Variants in EMC3 observed in about 807,000 individuals in gnomAD.
The protein encoded by EMC3 is ER membrane protein complex subunit 3, also known as 30 kDa protein.
EMC3 carries 13 observed loss-of-function variants against 36.6 expected under a neutral mutation model. The ratio of observed to expected loss-of-function variants is 0.35; its 90% confidence interval spans 0.23 to 0.56. The LOEUF (loss-of-function observed/expected upper bound fraction) is 0.56. Ranked by LOEUF, EMC3 falls within the 20% of genes least tolerant of loss-of-function variation. The pLI is 0.84. For synonymous variants in EMC3, 120 were observed against 111.9 expected, an observed-to-expected ratio of 1.07 and a Z score of -0.46; for missense variants, 220 against 324.5, an observed-to-expected ratio of 0.68 and a Z score of 2.47.
chr3:9,985,240 G>A (rs1241315997), intron 1 of EMC3, among the ~76,000 whole-genome samples: 1 of 152,154 alleles, frequency 6.6e-6, no homozygotes, highest in Non-Finnish European at 1.5e-5. Context: ...AAAAAAGAAA[G>A]TAACTTAAGT....
intron 1 of EMC3, chr3:10,007,749 G>T: frequency 1.0e-6 from 1 of 987,382 alleles, no homozygotes; most frequent in Non-Finnish European, 1.4e-6. Flanking sequence ...CACCCATCAA[G>T]GAGCTTCCTT....
chr3:9,975,180 T>A (rs1392395511), intron 3 of EMC3, among the ~76,000 whole-genome samples: 3 of 152,180 alleles, frequency 2.0e-5, no homozygotes. Context: ...ATTTTTAATG[T>A]CTGCATAGGA....
At chr3:9,985,391 T>C (rs2085960018) in intron 1 of EMC3, among the ~76,000 whole-genome samples, 1 of 152,212 alleles carries the variant, frequency 6.6e-6, no homozygotes, top group Non-Finnish European at 1.5e-5. Context: ...AGCACTTACC[T>C]GAGATGATTT....
intron 3 of EMC3, 57 bp downstream of exon 3, chr3:9,976,900 A>G (rs2085855995): frequency 6.2e-6 from 8 of 1,287,080 alleles, no homozygotes; most frequent in Non-Finnish European, 8.8e-6. Flanking sequence ...ACCCCACCCC[A>G]CTCAAATACC....
intron 1 of EMC3, among the ~76,000 whole-genome samples, chr3:9,982,557 A>T (rs569008344): frequency 6.6e-6 from 1 of 152,162 alleles, no homozygotes; most frequent in East Asian, 1.9e-4. Flanking sequence ...CCCTGCTGCT[A>T]ATGGACATTT....
rs756069988 is a variant in EMC3 at position 9,963,454 on chromosome 3, G to GATAGATAGATAGATATAGAT, written c.*614_*615insATCTATATCTATCTATCTAT. The GATAGATAGATAGATATAGAT allele has an allele frequency of 1.9e-4, 19 of 99,700 alleles. No homozygotes were observed. The highest frequency in any genetic ancestry group is 5.6e-4 in the Admixed American group (5 of 8,904). 6.2% of individuals were successfully genotyped at this position (99,700 alleles called of 1,614,324 possible). A position where few individuals can be genotyped will look rare whatever the true frequency, so the allele number is the denominator to read the frequency against. On this transcript the variant is annotated 3_prime_UTR_variant, in exon 8 of 8. Transcript: ENST00000245046. ...CGAAGACTGGGCTTCTGCTAAGATA[G>GATAGATAGATAGATATAGAT]ATATATATATATATATATATATATT...
At chr3:9,998,126 G>A (rs994736918) in intron 1 of EMC3, among the ~76,000 whole-genome samples, 2 of 151,840 alleles carry the variant, frequency 1.3e-5, no homozygotes, top group Admixed American at 1.3e-4. Flanking sequence ...CAGGACTTTG[G>A]GAGGCCGAGG....
chr3:9,968,263 G>A (rs190249032), intron 7 of EMC3, among the ~76,000 whole-genome samples: 12 of 152,212 alleles, frequency 7.9e-5, no homozygotes, highest in African/African-American at 2.2e-4. Flanking sequence ...TATTTTATTC[G>A]TTTTGATACT....
chr3:9,970,536 T>C, intron 6 of EMC3, 46 bp downstream of exon 6: 2 of 1,583,814 alleles, frequency 1.3e-6, no homozygotes, highest in Non-Finnish European at 1.7e-6. Flanking sequence ...ATATGGATGA[T>C]TCATCTATGG....
intron 1 of EMC3, chr3:9,992,883 A>G: frequency 2.7e-6 from 4 of 1,496,202 alleles, no homozygotes; most frequent in Admixed American, 3.4e-5. Context: ...TGACCTGGTG[A>G]TGCTTTTCAT....
At chr3:9,981,677 C>T (rs1182209185) in intron 1 of EMC3, 3 of 393,262 alleles carry the variant, frequency 7.6e-6, no homozygotes, top group Non-Finnish European at 1.5e-5. Flanking sequence ...TCAAGGGATC[C>T]TCCCATCTCA....
intron 1 of EMC3, among the ~76,000 whole-genome samples, chr3:9,996,272 C>T (rs1262970623): frequency 2.0e-5 from 3 of 152,008 alleles, no homozygotes; most frequent in Admixed American, 1.3e-4. Flanking sequence ...GGTGAAACCC[C>T]ATCTCTACAA....
rs1031544250 is a variant in EMC3, at chr3:9,993,074, A to C, written c.-241-6172T>G. On this transcript the variant is annotated intron_variant, in intron 1 of 8. Transcript: ENST00000470827. ...GAAAGCTTTACAGCTCTCATGTAAAATTTCATCTTATTTCAGTCCATTGTT... is the reference window on the plus strand; with the variant it reads ...GAAAGCTTTACAGCTCTCATGTAAACTTTCATCTTATTTCAGTCCATTGTT... 20 of 859,244 alleles carry C rather than the reference A, an allele frequency of 2.3e-5. No individual in the cohort carries two copies. In the African/African-American group the frequency reaches 3.2e-4, roughly 14 times the overall value. The allele number at this position is 859,244 out of a possible 1,614,324, so 53.2% of individuals were successfully genotyped here.
chr3:9,984,210 T>C (rs1235845559), intron 1 of EMC3, among the ~76,000 whole-genome samples: 1 of 151,864 alleles, frequency 6.6e-6, no homozygotes. Context: ...GCCTCCCGAG[T>C]AGCTGGGACT....
chr3:9,998,497 A>T (rs927626103), intron 1 of EMC3, among the ~76,000 whole-genome samples: 5 of 151,198 alleles, frequency 3.3e-5, no homozygotes, highest in African/African-American at 1.2e-4. Flanking sequence ...TGGCGTGATC[A>T]TAGTTCACTG....
At chr3:9,990,330 T>C (rs992633093), upstream of EMC3, among the ~76,000 whole-genome samples, 6 of 143,534 alleles carry the variant, frequency 4.2e-5, no homozygotes, top group African/African-American at 1.6e-4. Context: ...TTTCTCTTTT[T>C]TTTTTTTTTT....
chr3:9,969,849 C>T, intron 6 of EMC3, 48 bp from the exon 7 acceptor site: 1 of 1,602,710 alleles, frequency 6.2e-7, no homozygotes, highest in Non-Finnish European at 8.5e-7. Context: ...CAGCAAGCAC[C>T]CCAGCACCCA....
At chr3:9,970,315 T>C (rs566318577) in intron 6 of EMC3, among the ~76,000 whole-genome samples, 1 of 152,326 alleles carries the variant, frequency 6.6e-6, no homozygotes, top group South Asian at 2.1e-4. Context: ...TTCACAGGCT[T>C]ACACTGCTGG....
chr3:9,975,935 A>C (rs532711504), intron 3 of EMC3, among the ~76,000 whole-genome samples: 1 of 152,036 alleles, frequency 6.6e-6, no homozygotes, highest in African/African-American at 2.4e-5. Flanking sequence ...TTTCTTAAAA[A>C]TTTGTTAAAA....
Sources: gnomAD v4.1 joint callset for allele counts (sites outside exome capture counted in the v4.1 genomes callset) on GRCh38, gnomAD v4.1.1 for gene constraint, MANE v1.5 for transcripts, NCBI Gene and HGNC (gene_info 2026-07-23, HGNC 2026-07-21) for gene names.